Variants in TMEM132B observed in about 807,000 individuals in gnomAD.
TMEM132B encodes transmembrane protein 132B.
TMEM132B carries 18 observed loss-of-function variants against 90.8 expected under a neutral mutation model. The observed-to-expected ratio is 0.20, with a 90% CI of 0.14 to 0.29. The LOEUF (loss-of-function observed/expected upper bound fraction) is 0.29. Among genes scored for constraint, TMEM132B ranks in the 10% least tolerant of loss-of-function variants. TMEM132B has a pLI of 1.00. For synonymous variants in TMEM132B, 504 were observed against 523.3 expected (o/e 0.96, Z 0.50); for missense variants, 1,096 against 1,326.8 (o/e 0.83, Z 2.70).
chr12:125,418,497 A>G (rs992407180), intron 3 of TMEM132B, among the ~76,000 whole-genome samples: 2 of 152,214 alleles, frequency 1.3e-5, no homozygotes, highest in Non-Finnish European at 2.9e-5. Flanking sequence ...ATCTAAATAA[A>G]TAATTGCTTC....
intron 1 of TMEM132B, among the ~76,000 whole-genome samples, chr12:125,272,218 C>A (rs943754453): frequency 6.6e-6 from 1 of 152,184 alleles, no homozygotes; most frequent in Admixed American, 6.5e-5. Flanking sequence ...TCATCTTCCA[C>A]ATTGCTGGGA....
chr12:125,298,943 C>T (rs1220320690), intron 1 of TMEM132B, among the ~76,000 whole-genome samples: 3 of 151,830 alleles, frequency 2.0e-5, no homozygotes, highest in Non-Finnish European at 2.9e-5. Context: ...CCGTGTTAGC[C>T]GGGATGGTCT....
intron 2 of TMEM132B, among the ~76,000 whole-genome samples, chr12:125,392,532 A>T (rs1879054404): frequency 6.6e-6 from 1 of 152,252 alleles, no homozygotes. Context: ...GAACCTAGGC[A>T]TCGGGGTCTG....
chr12:125,330,074 G>T (rs984843006), intron 1 of TMEM132B, among the ~76,000 whole-genome samples: 1 of 152,198 alleles, frequency 6.6e-6, no homozygotes, highest in Non-Finnish European at 1.5e-5. Context: ...CTGGACTGAT[G>T]GAAAACCCAG....
At chr12:125,505,310 T>C (rs1199323180) in intron 3 of TMEM132B, among the ~76,000 whole-genome samples, 1 of 151,542 alleles carries the variant, frequency 6.6e-6, no homozygotes, top group East Asian at 1.9e-4. Flanking sequence ...AATATGCTCC[T>C]ACTGAAAGGA....
At chr12:125,366,155 A>G (rs1344566152) in intron 2 of TMEM132B, among the ~76,000 whole-genome samples, 1 of 152,064 alleles carries the variant, frequency 6.6e-6, no homozygotes, top group South Asian at 2.1e-4. Flanking sequence ...TTTAACACTT[A>G]ACATAATGGC....
At chr12:125,417,075 C>T (rs1363437082) in intron 3 of TMEM132B, among the ~76,000 whole-genome samples, 1 of 152,142 alleles carries the variant, frequency 6.6e-6, no homozygotes, top group Non-Finnish European at 1.5e-5. Flanking sequence ...ACGGTGTCTC[C>T]TGGGTGTTTT....
chr12:125,577,276 C>A (rs1357432944), intron 4 of TMEM132B, among the ~76,000 whole-genome samples: 1 of 151,346 alleles, frequency 6.6e-6, no homozygotes, highest in Non-Finnish European at 1.5e-5. Context: ...TTGGCATATG[C>A]TCTAGTATTC....
chr12:125,605,739 TCTC>T (rs1348299091), intron 5 of TMEM132B, among the ~76,000 whole-genome samples: 1 of 152,172 alleles, frequency 6.6e-6, no homozygotes, highest in East Asian at 1.9e-4. Context: ...GGGGTTCTGA[TCTC>T]CACATTACAG....
chr12:125,646,069 A>G (rs1886757423), intron 6 of TMEM132B, among the ~76,000 whole-genome samples: 1 of 152,214 alleles, frequency 6.6e-6, no homozygotes, highest in Non-Finnish European at 1.5e-5. Context: ...ATCATTGTGG[A>G]CAAATGGGAA....
At chr12:125,384,866 G>A (rs1307140063) in intron 2 of TMEM132B, among the ~76,000 whole-genome samples, 1 of 152,158 alleles carries the variant, frequency 6.6e-6, no homozygotes, top group African/African-American at 2.4e-5. Flanking sequence ...TGGCTAGGCT[G>A]GTCTTGAACT....
Position 125,390,633 on chromosome 12 carries a change from C to T in TMEM132B, c.960-24898C>T, listed in dbSNP as rs577817234. Among the ~76,000 whole-genome samples the T allele has an allele frequency of 2.4e-4, 37 of 152,310 alleles. No individual in the cohort carries two copies. The East Asian group carries it at 2.5e-3, about 10-fold the overall frequency. On this transcript the variant is annotated intron_variant, in intron 2 of 8. Transcript: ENST00000682704. ...TTGCATCTTTCTCGTTGTTCTGTCT[C>T]GGATCATTTTTTCTGGAGGAAGCTG...
intron 5 of TMEM132B, among the ~76,000 whole-genome samples, chr12:125,599,767 T>TA (rs1885528424): frequency 6.6e-6 from 1 of 152,210 alleles, no homozygotes; most frequent in Non-Finnish European, 1.5e-5. Context: ...TGGTCTGAGT[T>TA]ACCTGGGCCT....
intron 1 of TMEM132B, among the ~76,000 whole-genome samples, chr12:125,298,162 G>A (rs975349438): frequency 6.6e-6 from 1 of 151,904 alleles, no homozygotes; most frequent in African/African-American, 2.4e-5. Flanking sequence ...AGGCTGAGGT[G>A]GATCACTTGA....
intron 1 of TMEM132B, among the ~76,000 whole-genome samples, chr12:125,272,090 A>G (rs1315897660): frequency 6.6e-6 from 1 of 152,250 alleles, no homozygotes; most frequent in Non-Finnish European, 1.5e-5. Flanking sequence ...GCCAAATGTT[A>G]GAGACTCATT....
In TMEM132B at chr12:125,498,976, TTTGCTTTTGAGA is replaced by T. The variant is rs1362523936; in HGVS notation, c.1107-20451_1107-20440del. 6.6e-6 allele frequency among the ~76,000 whole-genome samples: 1 copy of T among 152,252 alleles called. No individual in the cohort carries two copies. The highest frequency in any genetic ancestry group is 6.5e-5 in the Admixed American group (1 of 15,288). On this transcript the variant is annotated intron_variant, in intron 3 of 8. Coordinates refer to ENST00000682704, the MANE Select transcript of TMEM132B (RefSeq NM_001366854.1). This position sits in a 1 kb window ranked among gnomAD's most constrained non-coding sequence, Gnocchi z 4.5. ...AATAATAATCTCTATAGGATTGTCC[TTTGCTTTTGAGA>T]TTGCTTTTGAGTAAGTCCCACAACA...
At position 125,253,429 on chromosome 12, in the gene TMEM132B, C is replaced by T. The variant is rs567598535; in HGVS notation, c.67+66563C>T. Among the ~76,000 whole-genome samples, 178 of 151,696 alleles carry T rather than the reference C, an allele frequency of 1.2e-3. 1 individual carries two copies. Among genetic ancestry groups the T allele is most frequent in the African/African-American group, 4.0e-3 (164 of 41,290 alleles). The stretch of plus-strand genomic sequence containing the variant: ...CTCTTCATTTTCTTTTTTCTTTCCC[C>T]CCCACTTTTTTTTTTTTTTTTTTGA... On this transcript the variant is annotated intron_variant, in intron 1 of 8. Transcript: ENST00000682704.
intron 5 of TMEM132B, among the ~76,000 whole-genome samples, chr12:125,634,335 C>G (rs10161369): frequency 0.19 from 29,008 of 152,192 alleles, 3,196 homozygotes; most frequent in African/African-American, 0.29. Context: ...GTGGGCTCCC[C>G]TCTGGCCCAA....
intron 1 of TMEM132B, among the ~76,000 whole-genome samples, chr12:125,345,284 C>T (rs1192259150): frequency 6.6e-6 from 1 of 152,146 alleles, no homozygotes; most frequent in Non-Finnish European, 1.5e-5. Context: ...CCAGTAGCCA[C>T]AAGACTGGCA....
Sources: gnomAD v4.1 joint callset for allele counts (sites outside exome capture counted in the v4.1 genomes callset) on GRCh38, gnomAD v4.1.1 for gene constraint, Gnocchi (gnomAD v3.1) non-coding constraint, MANE v1.5 for transcripts, NCBI Gene and HGNC (gene_info 2026-07-23, HGNC 2026-07-21) for gene names.